Variants in EYA1 observed in about 807,000 individuals in gnomAD.
EYA1 encodes protein phosphatase EYA1.
A neutral mutation model predicts 82.0 loss-of-function variants in EYA1; 16 were observed. The observed-to-expected ratio is 0.20, with a 90% CI of 0.13 to 0.30. EYA1 has a LOEUF of 0.30. Among genes scored for constraint, EYA1 ranks in the 10% least tolerant of loss-of-function variants. EYA1 has a pLI of 1.00. For synonymous variants in EYA1, 261 were observed against 264.4 expected, an observed-to-expected ratio of 0.99 and a Z score of 0.12; for missense variants, 633 against 730.7, an observed-to-expected ratio of 0.87 and a Z score of 1.54.
intron 9 of EYA1, among the ~76,000 whole-genome samples, chr8:71,295,683 G>A (rs1819518537): frequency 6.6e-6 from 1 of 152,176 alleles, no homozygotes; most frequent in African/African-American, 2.4e-5. Flanking sequence ...TAAACGTAGT[G>A]CTGCCATATG....
At chr8:71,282,480 A>G (rs1205056944) in intron 9 of EYA1, among the ~76,000 whole-genome samples, 1 of 151,996 alleles carries the variant, frequency 6.6e-6, no homozygotes, top group Non-Finnish European at 1.5e-5. Flanking sequence ...AACAACATCC[A>G]CTCTGTCAAA....
Position 71,361,756 on chromosome 8 carries a change from G to A in EYA1, c.-164C>T. On this transcript the variant is annotated 5_prime_UTR_variant, in exon 1 of 18. Transcript: ENST00000340726. ...TGCTCCTGGATGGGTACGCGCGGGG[G>A]CTCTCAGGCGCTCTGGTGCAGCCGC... 1 of 985,506 alleles carries A rather than the reference G, an allele frequency of 1.0e-6. No homozygotes were observed. The highest frequency in any genetic ancestry group is 1.2e-6 in the Non-Finnish European group (1 of 829,968). The allele number at this position is 985,506 out of a possible 1,614,324, so 61.0% of individuals were successfully genotyped here.
intron 11 of EYA1, among the ~76,000 whole-genome samples, chr8:71,246,849 C>T (rs1813156289): frequency 6.6e-6 from 1 of 152,114 alleles, no homozygotes; most frequent in Admixed American, 6.6e-5. Context: ...CTGCTGTAGC[C>T]TGGAGGTCAA....
intron 11 of EYA1, among the ~76,000 whole-genome samples, chr8:71,258,174 G>C (rs1814667093): frequency 6.6e-6 from 1 of 152,158 alleles, no homozygotes; most frequent in South Asian, 2.1e-4. Flanking sequence ...TAATTTAAAA[G>C]CTCCTTGAAG....
intron 12 of EYA1, among the ~76,000 whole-genome samples, chr8:71,238,614 TTAAATTA>T: frequency 6.6e-6 from 1 of 152,104 alleles, no homozygotes. Context: ...TACCGCTATT[TTAAATTA>T]TAATTAAAAT....
chr8:71,277,726 A>T (rs1456913573), intron 9 of EYA1, among the ~76,000 whole-genome samples: 2 of 152,246 alleles, frequency 1.3e-5, no homozygotes, highest in Non-Finnish European at 2.9e-5. Flanking sequence ...TTGCACACTG[A>T]GAGCATGGTA....
intron 2 of EYA1, among the ~76,000 whole-genome samples, chr8:71,418,546 T>G (rs1341384003): frequency 6.6e-6 from 1 of 151,652 alleles, no homozygotes; most frequent in Non-Finnish European, 1.5e-5. Flanking sequence ...TTCCACCTCA[T>G]CCTCTACACC....
chr8:71,518,244 T>C (rs1191561866), intron 2 of EYA1, among the ~76,000 whole-genome samples: 1 of 152,162 alleles, frequency 6.6e-6, no homozygotes, highest in African/African-American at 2.4e-5. Context: ...CATACTTACT[T>C]AGAGTCTTAG....
chr8:71,384,670 CA>C (rs1167900555), intron 2 of EYA1, among the ~76,000 whole-genome samples: 10 of 152,146 alleles, frequency 6.6e-5, no homozygotes, highest in Non-Finnish European at 1.2e-4. Flanking sequence ...TGAATAAATG[CA>C]GTTGTTAGAA....
chr8:71,268,782 G>T (rs956610684), intron 11 of EYA1, among the ~76,000 whole-genome samples: 2 of 152,186 alleles, frequency 1.3e-5, no homozygotes, highest in Admixed American at 6.5e-5. Flanking sequence ...CAGATACTCA[G>T]TGTGTATTTG....
At chr8:71,381,601 G>A (rs1451479217) in intron 2 of EYA1, among the ~76,000 whole-genome samples, 1 of 152,078 alleles carries the variant, frequency 6.6e-6, no homozygotes, top group African/African-American at 2.4e-5. Context: ...ATCAGAGCTG[G>A]AAAAAAATAT....
rs570038850 is a variant in EYA1, at chr8:71,328,290, A to C, written c.202+5807T>G. 2.6e-5 allele frequency among the ~76,000 whole-genome samples: 4 copies of C among 152,324 alleles called. No individual in the cohort carries two copies. The South Asian group carries it at 8.3e-4, about 32-fold the overall frequency. On this transcript the variant is annotated intron_variant, in intron 4 of 17. Coordinates refer to ENST00000340726, the MANE Select transcript of EYA1 (RefSeq NM_000503.6). Reference sequence around the variant, plus strand: ...CGTAAGCCCTGTTCATAGCCATTCCAGTATGTTGATTTTTGTCTCTTTCAT... The same window carrying C: ...CGTAAGCCCTGTTCATAGCCATTCCCGTATGTTGATTTTTGTCTCTTTCAT...
intron 2 of EYA1, among the ~76,000 whole-genome samples, chr8:71,494,067 GGATTA>G (rs1811231360): frequency 7.2e-6 from 1 of 139,302 alleles, no homozygotes. Flanking sequence ...TGTTTACAAA[GGATTA>G]GATTAGATTA....
At chr8:71,392,940 A>C (rs1347422436) in intron 2 of EYA1, among the ~76,000 whole-genome samples, 1 of 152,166 alleles carries the variant, frequency 6.6e-6, no homozygotes, top group African/African-American at 2.4e-5. Flanking sequence ...TCTCTAGCAC[A>C]TATATGTGTT....
At chr8:71,300,781 A>G (rs926843429) in intron 7 of EYA1, among the ~76,000 whole-genome samples, 1 of 152,184 alleles carries the variant, frequency 6.6e-6, no homozygotes, top group African/African-American at 2.4e-5. Context: ...ACGGTATTAC[A>G]ATGATGTTTA....
intron 3 of EYA1, among the ~76,000 whole-genome samples, chr8:71,343,579 T>C (rs1284510675): frequency 6.6e-6 from 1 of 152,170 alleles, no homozygotes; most frequent in East Asian, 1.9e-4. Flanking sequence ...TGTGCCACCT[T>C]GGAACTCTAT....
At chr8:71,496,481 G>A (rs1811422159) in intron 2 of EYA1, among the ~76,000 whole-genome samples, 3 of 152,150 alleles carry the variant, frequency 2.0e-5, no homozygotes, top group South Asian at 2.1e-4. Context: ...ATATCTAAGC[G>A]AAACGTTATA....
intron 3 of EYA1, among the ~76,000 whole-genome samples, chr8:71,347,809 A>C (rs1162553981): frequency 6.6e-6 from 1 of 151,418 alleles, no homozygotes; most frequent in East Asian, 1.9e-4. Flanking sequence ...TGAGGAGTAC[A>C]TAAACATACC....
intron 2 of EYA1, among the ~76,000 whole-genome samples, chr8:71,504,352 A>G (rs1812034580): frequency 1.3e-5 from 2 of 152,220 alleles, no homozygotes; most frequent in African/African-American, 4.8e-5. Context: ...TAAAATATGC[A>G]TAATAGAAAT....
Sources: gnomAD v4.1 joint callset for allele counts (sites outside exome capture counted in the v4.1 genomes callset) on GRCh38, gnomAD v4.1.1 for gene constraint, MANE v1.5 for transcripts, NCBI Gene and HGNC (gene_info 2026-07-23, HGNC 2026-07-21) for gene names.